SLC22A3: variants seen among roughly 807,000 people sequenced by gnomAD.
SLC22A3 encodes EMT organic cation transporter 3.
Under a neutral mutation model 59.1 loss-of-function variants are expected in SLC22A3, and 51 were observed. The observed-to-expected ratio is 0.86, with a 90% CI of 0.69 to 1.09. SLC22A3 has a LOEUF of 1.09. Among genes scored for constraint, SLC22A3 ranks in the 50% least tolerant of loss-of-function variants. SLC22A3 has a pLI of 0.00. For synonymous variants in SLC22A3, 325 were observed against 292.0 expected (o/e 1.11, Z -1.15); for missense variants, 711 against 726.3 (o/e 0.98, Z 0.24).
At position 160,410,719 on chromosome 6, in the gene SLC22A3, T is replaced by G. The variant is rs1350282003; in HGVS notation, c.858-10T>G. The G allele has an allele frequency of 6.3e-7, 1 of 1,582,024 alleles. No individual in the cohort carries two copies. The highest frequency in any genetic ancestry group is 1.7e-5 in the Admixed American group (1 of 59,918). ...TAGACATAACTCACAACAGCCTCCT[T>G]CTTTGCCAGGGTGGTCCCTGAGTCT... is the stretch of plus-strand genomic sequence containing the variant. On this transcript the variant is annotated splice_polypyrimidine_tract_variant and intron_variant, in intron 4 of 10. Transcript: ENST00000275300.
chr6:160,422,151 A>C (rs1367930681), intron 5 of SLC22A3, among the ~76,000 whole-genome samples: 5 of 152,230 alleles, frequency 3.3e-5, no homozygotes, highest in Admixed American at 3.3e-4. Flanking sequence ...TTCTTCATGA[A>C]ATAATCCTAA....
intron 5 of SLC22A3, among the ~76,000 whole-genome samples, chr6:160,433,713 A>T (rs1484018897): frequency 6.6e-6 from 1 of 151,956 alleles, no homozygotes; most frequent in Non-Finnish European, 1.5e-5. Context: ...TCTCAAAAAA[A>T]ATTTTTTTAA....
intron 5 of SLC22A3, chr6:160,425,721 C>G (rs1787927483): frequency 1.5e-6 from 1 of 665,658 alleles, no homozygotes. Context: ...TAGCCTTTCA[C>G]ATTGAAATCT....
chr6:160,349,149 G>C (rs1317223298), intron 1 of SLC22A3: 4 of 856,798 alleles, frequency 4.7e-6, no homozygotes, highest in Non-Finnish European at 5.6e-6. Flanking sequence ...GCCTGCTCAG[G>C]AGTCAAAGAC....
intron 5 of SLC22A3, among the ~76,000 whole-genome samples, chr6:160,420,036 G>A (rs73782576): frequency 0.023 from 3,494 of 152,190 alleles, 71 homozygotes; most frequent in African/African-American, 0.044. Context: ...GACTGTACCA[G>A]TAAACAGTTC....
At chr6:160,433,408 C>A (rs1197532981) in intron 5 of SLC22A3, among the ~76,000 whole-genome samples, 3 of 152,146 alleles carry the variant, frequency 2.0e-5, no homozygotes, top group Non-Finnish European at 4.4e-5. Flanking sequence ...TTAGGCTGGG[C>A]ATGATGGCTA....
intron 1 of SLC22A3, among the ~76,000 whole-genome samples, chr6:160,372,267 CT>C (rs1785428132): frequency 6.6e-6 from 1 of 152,020 alleles, no homozygotes; most frequent in Admixed American, 6.6e-5. Flanking sequence ...GGTTTAAAGT[CT>C]GTTATATGAA....
intron 1 of SLC22A3, among the ~76,000 whole-genome samples, chr6:160,388,232 A>G (rs1461867140): frequency 2.6e-5 from 4 of 152,254 alleles, no homozygotes; most frequent in South Asian, 2.1e-4. Flanking sequence ...TACAATGCCC[A>G]TGCCTGCAGT....
intron 1 of SLC22A3, among the ~76,000 whole-genome samples, chr6:160,356,549 C>CGGTGCA (rs1046435821): frequency 2.6e-5 from 4 of 152,184 alleles, no homozygotes; most frequent in African/African-American, 7.2e-5. Context: ...GTGCAAGGCC[C>CGGTGCA]GGTGCAGGGA....
chr6:160,352,675 C>T (rs894592625), intron 1 of SLC22A3, among the ~76,000 whole-genome samples: 10 of 152,124 alleles, frequency 6.6e-5, no homozygotes, highest in African/African-American at 2.4e-4. Flanking sequence ...AAACTGAATC[C>T]ATTGTTTGTT....
chr6:160,450,951 T>C (rs577522664), intron 10 of SLC22A3, 45 bp from the exon 11 acceptor site: 4 of 1,520,160 alleles, frequency 2.6e-6, no homozygotes, highest in Admixed American at 1.9e-5. Context: ...CTCTTCTAAC[T>C]AGTTACATAA....
intron 1 of SLC22A3, among the ~76,000 whole-genome samples, chr6:160,362,348 TC>T (rs1785042921): frequency 6.6e-6 from 1 of 152,238 alleles, no homozygotes; most frequent in African/African-American, 2.4e-5. Flanking sequence ...GCTTCTGTCT[TC>T]AAGGAGCACT....
At chr6:160,385,495 G>T (rs183790995) in intron 1 of SLC22A3, among the ~76,000 whole-genome samples, 1 of 152,298 alleles carries the variant, frequency 6.6e-6, no homozygotes, top group East Asian at 1.9e-4. Context: ...AGGGAAGGAG[G>T]TAAGCCCTCC....
chr6:160,349,747 AC>A (rs1784600199), intron 1 of SLC22A3, among the ~76,000 whole-genome samples: 1 of 152,192 alleles, frequency 6.6e-6, no homozygotes, highest in South Asian at 2.1e-4. Flanking sequence ...AATAATCGGA[AC>A]TCAGAAACGG....
intron 5 of SLC22A3, among the ~76,000 whole-genome samples, chr6:160,433,803 T>C (rs956683019): frequency 1.3e-5 from 2 of 152,192 alleles, no homozygotes; most frequent in Non-Finnish European, 2.9e-5. Flanking sequence ...CCTTCAACTC[T>C]GGGATGTTGG....
chr6:160,362,334 G>A (rs1021709575), intron 1 of SLC22A3, among the ~76,000 whole-genome samples: 1 of 152,218 alleles, frequency 6.6e-6, no homozygotes, highest in Non-Finnish European at 1.5e-5. Flanking sequence ...GAATTTCAGG[G>A]ATTGCTTCTG....
intron 3 of SLC22A3, among the ~76,000 whole-genome samples, chr6:160,408,146 T>C (rs1456651881): frequency 6.6e-6 from 1 of 152,134 alleles, no homozygotes; most frequent in African/African-American, 2.4e-5. Flanking sequence ...ATAATCAGAA[T>C]ATGAGAAACC....
At chr6:160,419,117 A>C (rs1787624381) in intron 5 of SLC22A3, among the ~76,000 whole-genome samples, 1 of 152,184 alleles carries the variant, frequency 6.6e-6, no homozygotes, top group Admixed American at 6.5e-5. Context: ...ATTGTTTGAA[A>C]TATTTGCAAA....
At chr6:160,386,947 C>T (rs1352277293) in intron 1 of SLC22A3, among the ~76,000 whole-genome samples, 4 of 152,204 alleles carry the variant, frequency 2.6e-5, no homozygotes, top group Non-Finnish European at 4.4e-5. Context: ...TGTCATGCAG[C>T]CACCAGGACA....
Sources: allele counts gnomAD v4.1 joint callset (sites outside exome capture counted in the v4.1 genomes callset), GRCh38; gene constraint gnomAD v4.1.1; transcripts MANE v1.5; gene names NCBI Gene and HGNC (gene_info 2026-07-23, HGNC 2026-07-21).